The following TSFM variants were observed in gnomAD, a reference collection of about 807,000 sequenced individuals.
TSFM encodes the protein elongation factor Ts, mitochondrial.
TSFM carries 29 observed loss-of-function variants against 33.4 expected under a neutral mutation model. The ratio of observed to expected loss-of-function variants is 0.87; its 90% CI spans 0.65 to 1.18. TSFM has a LOEUF of 1.18. TSFM is among the 50% of genes most tolerant of loss of function. The probability of loss-of-function intolerance (pLI) is 0.00; values close to 1 mark genes in which losing one functional copy is unlikely to be tolerated. For missense variants in TSFM, 394 were observed against 395.6 expected (o/e 1.00, Z 0.04); for synonymous variants, 178 against 163.5 (o/e 1.09, Z -0.68).
At position 57,796,489 on chromosome 12, in the gene TSFM, C is replaced by T. The variant is rs765598129; in HGVS notation, c.884C>T (p.Thr295Ile). 1.9e-6 allele frequency: 3 copies of T among 1,569,260 alleles called. No homozygotes were observed. The highest frequency in any genetic ancestry group is 1.2e-5 in the South Asian group (1 of 83,656). Residue 295 changes from threonine to isoleucine, a missense_variant, in exon 6 of 6, where the codon ACC (threonine) becomes ATC (isoleucine). Thr to Ile is a moderately conservative substitution (Grantham distance 89). Coordinates refer to ENST00000652027, the MANE Select transcript of TSFM (RefSeq NM_005726.6). ...SQPYLLDPSI[T>I]LGQYVQPQGV... The stretch of plus-strand genomic sequence containing the variant: ...CCGTATTTGCTGGATCCCTCCATTA[C>T]CTTGGGGCAGTATGTGCAGCCTCAG...
At chr12:57,786,799 A>G (rs1187264152) in intron 3 of TSFM, among the ~76,000 whole-genome samples, 1 of 152,242 alleles carries the variant, frequency 6.6e-6, no homozygotes, top group Non-Finnish European at 1.5e-5. Flanking sequence ...TGAGTCCTTC[A>G]GGACATTATT....
At chr12:57,793,295 T>C (rs1039435635) in intron 5 of TSFM, among the ~76,000 whole-genome samples, 1 of 152,048 alleles carries the variant, frequency 6.6e-6, no homozygotes, top group African/African-American at 2.4e-5. Context: ...TGGCGCAATC[T>C]CGGCTCACTG....
chr12:57,796,188 GA>G lies in TSFM; in HGVS notation c.587del (p.Asn196ThrfsTer2). On this transcript the variant is annotated frameshift_variant, in exon 6 of 6. Transcript: ENST00000652027. LOFTEE classifies it high-confidence loss of function. Reference sequence around the variant, plus strand: ...TTTTGCTTTAATAGGAAAACTGGGAGAAAACATGATTCTTAAACGAGCTGCA... The same window carrying G: ...TTTTGCTTTAATAGGAAAACTGGGAGAAACATGATTCTTAAACGAGCTGCA... ...QLALAIGKLG[E>X]NMILKRAAWV... is the part of the protein sequence containing the mutation. 1 of 1,575,138 alleles carries G rather than the reference GA, an allele frequency of 6.3e-7. No individual in the cohort carries two copies. The highest frequency in any genetic ancestry group is 8.6e-7 in the Non-Finnish European group (1 of 1,160,440).
At chr12:57,786,317 C>T (rs1955590768) in intron 3 of TSFM, 26 bp downstream of exon 3, 3 of 1,604,392 alleles carry the variant, frequency 1.9e-6, no homozygotes, top group Middle Eastern at 3.3e-4. Context: ...TTCCAGATAC[C>T]AAGAACAGCT....
In TSFM at chr12:57,796,854, T is replaced by A; in HGVS notation, c.*271T>A. The A allele has an allele frequency of 1.8e-6, 2 of 1,095,264 alleles. No homozygotes were observed. Among genetic ancestry groups the A allele is most frequent in the Non-Finnish European group, 2.2e-6 (2 of 903,062 alleles). 67.8% of individuals were successfully genotyped at this position (1,095,264 alleles called of 1,614,324 possible). On this transcript the variant is annotated 3_prime_UTR_variant, in exon 6 of 6. Transcript: ENST00000652027. ...GCTGCTCCCTTCAACATAGATTTATTATGGTATTTCTGAAATTTCTAACTT... is the reference window on the plus strand; with the variant it reads ...GCTGCTCCCTTCAACATAGATTTATAATGGTATTTCTGAAATTTCTAACTT...
At chr12:57,797,749 G>A (rs557161315), downstream of TSFM, 14 of 735,318 alleles carry the variant, frequency 1.9e-5, no homozygotes, top group South Asian at 1.9e-4. Context: ...AGAACATGCC[G>A]TGATTTGCAG....
intron 2 of TSFM, among the ~76,000 whole-genome samples, chr12:57,785,128 G>A (rs551353268): frequency 1.6e-4 from 25 of 151,880 alleles, no homozygotes; most frequent in Middle Eastern, 3.4e-3. Flanking sequence ...GGGTTTCACC[G>A]TGTTAGCCAG....
intron 2 of TSFM, chr12:57,784,242 C>T (rs1955558471): frequency 1.5e-6 from 1 of 656,996 alleles, no homozygotes; most frequent in Non-Finnish European, 2.7e-6. Flanking sequence ...GATACATCTC[C>T]ATAGGGAACT....
downstream of TSFM, chr12:57,798,034 A>G (rs779717426): frequency 3.4e-6 from 5 of 1,485,334 alleles, no homozygotes; most frequent in South Asian, 2.5e-5. Flanking sequence ...GAAGGAAGAC[A>G]TGACATCATT....
chr12:57,784,478 T>A (rs933428993), intron 2 of TSFM, among the ~76,000 whole-genome samples: 1 of 152,240 alleles, frequency 6.6e-6, no homozygotes. Flanking sequence ...TGTTTTAAAT[T>A]TTTGGACTCT....
downstream of TSFM, chr12:57,802,400 G>T: frequency 6.5e-7 from 1 of 1,541,234 alleles, no homozygotes. Flanking sequence ...CAAGGACTAA[G>T]TACTAGATCA....
downstream of TSFM, chr12:57,799,667 C>T: frequency 7.4e-7 from 1 of 1,359,308 alleles, no homozygotes; most frequent in African/African-American, 1.5e-5. Context: ...GGTTTGAGTT[C>T]CTAGGTAGCT....
chr12:57,784,851 G>T (rs1479993325), intron 2 of TSFM, among the ~76,000 whole-genome samples: 1 of 145,882 alleles, frequency 6.9e-6, no homozygotes, highest in African/African-American at 2.5e-5. Context: ...TTGCACTCCA[G>T]CCTGGGCAAT....
At position 57,783,309 on chromosome 12, in the gene TSFM, G is replaced by A. The variant is rs759362328; in HGVS notation, c.231+26G>A. On this transcript the variant is annotated intron_variant, in intron 2 of 5. Transcript: ENST00000652027. ...GTGTGTGTGTGGAGGGGTGCAGGGCGGAGTACTAGAGCTCGACCTCAGACT... is the reference window on the plus strand; with the variant it reads ...GTGTGTGTGTGGAGGGGTGCAGGGCAGAGTACTAGAGCTCGACCTCAGACT... 5 of 1,613,364 alleles carry A rather than the reference G, an allele frequency of 3.1e-6. No individual in the cohort carries two copies. In the South Asian group the frequency reaches 5.5e-5, roughly 18 times the overall value.
At chr12:57,802,538 C>T, downstream of TSFM, 1 of 762,064 alleles carries the variant, frequency 1.3e-6, no homozygotes, top group Non-Finnish European at 2.3e-6. Flanking sequence ...ATTTTAATTG[C>T]TATGTGTATC....
chr12:57,793,986 T>G (rs768403817), intron 5 of TSFM, among the ~76,000 whole-genome samples: 3 of 152,262 alleles, frequency 2.0e-5, no homozygotes, highest in Non-Finnish European at 4.4e-5. Flanking sequence ...CATCTTGCTT[T>G]CTTCCTAAGT....
At chr12:57,787,309 C>A in intron 4 of TSFM, 147 bp downstream of exon 4, 1 of 825,690 alleles carries the variant, frequency 1.2e-6, no homozygotes, top group Non-Finnish European at 1.8e-6. Flanking sequence ...TACCCTTCCC[C>A]CGTTGCTATA....
chr12:57,794,179 T>A (rs1242968479), intron 5 of TSFM, among the ~76,000 whole-genome samples: 1 of 152,250 alleles, frequency 6.6e-6, no homozygotes, highest in Non-Finnish European at 1.5e-5. Context: ...ATTAAGAAAT[T>A]CTGGAAGAGC....
chr12:57,783,136 C>G lies in TSFM; in HGVS notation c.84C>G (p.Pro28=). 6.2e-7 allele frequency: 1 copy of G among 1,611,918 alleles called. No homozygotes were observed. The highest frequency in any genetic ancestry group is 8.5e-7 in the Non-Finnish European group (1 of 1,179,782). The change falls in exon 2 of 6, where the codon CCC becomes CCG. Residue 28 remains proline (P), a synonymous_variant. Coordinates refer to ENST00000652027, the MANE Select transcript of TSFM (RefSeq NM_005726.6). ...CTGGGTCTCTTCTGCGTCAGTCGCC[C>G]CAGCCAAGGCACACATTTTATGCTG... is the stretch of plus-strand genomic sequence containing the variant. ...YPAGSLLRQS[P]QPRHTFYAGP...
Sources: allele counts gnomAD v4.1 joint callset (sites outside exome capture counted in the v4.1 genomes callset), GRCh38; gene constraint gnomAD v4.1.1; transcripts MANE v1.5; gene names NCBI Gene and HGNC (gene_info 2026-07-23, HGNC 2026-07-21).